Variants in SLC43A2 observed in about 807,000 individuals in gnomAD.
The protein encoded by SLC43A2 is large neutral amino acids transporter small subunit 4.
In SLC43A2, 38 loss-of-function variants were observed where a neutral mutation model predicts 63.2. The ratio of observed to expected loss-of-function variants is 0.60; its 90% CI spans 0.46 to 0.79. SLC43A2 has a LOEUF of 0.79. Ranked by LOEUF, SLC43A2 falls within the 30% of genes least tolerant of loss-of-function variation. SLC43A2 has a pLI of 0.00. For synonymous variants in SLC43A2, 322 were observed against 331.0 expected (o/e 0.97, Z 0.30); for missense variants, 644 against 756.2 (o/e 0.85, Z 1.74).
chr17:1,607,715 A>C (rs1906742244), intron 5 of SLC43A2, among the ~76,000 whole-genome samples: 1 of 152,040 alleles, frequency 6.6e-6, no homozygotes, highest in Admixed American at 6.6e-5. Context: ...AGGGCCAGAC[A>C]ATAGACTTTT....
chr17:1,600,713 A>T (rs1278949076), intron 5 of SLC43A2, among the ~76,000 whole-genome samples: 1 of 151,466 alleles, frequency 6.6e-6, no homozygotes, highest in Non-Finnish European at 1.5e-5. Context: ...ACCTGCTATG[A>T]CATCCAGGTA....
At chr17:1,628,110 G>A in intron 1 of SLC43A2, 190 bp from the exon 2 acceptor site, 2 of 442,050 alleles carry the variant, frequency 4.5e-6, no homozygotes, top group Non-Finnish European at 7.0e-6. Flanking sequence ...CGGCCGGCTC[G>A]TACCGCTGCC....
Position 1,574,224 on chromosome 17 carries a change from G to A in SLC43A2, c.*1380C>T, listed in dbSNP as rs1174337035. ...CAAGCCCAGTTTGTTTGGGGGTTGG[G>A]GAGGAAGGTCTTTTCCTGGCCCACT... On this transcript the variant is annotated 3_prime_UTR_variant, in exon 14 of 14. Transcript: ENST00000301335. 2 of 152,448 alleles carry A rather than the reference G, an allele frequency of 1.3e-5. No homozygotes were observed. Among genetic ancestry groups the A allele is most frequent in the Non-Finnish European group, 2.9e-5 (2 of 68,118 alleles). 9.4% of individuals were successfully genotyped at this position (152,448 alleles called of 1,614,324 possible).
In SLC43A2 at chr17:1,615,661, G is replaced by A. The variant is rs1012103932; in HGVS notation, c.369-627C>T. Among the ~76,000 whole-genome samples, 9 of 149,696 alleles carry A rather than the reference G, an allele frequency of 6.0e-5. No individual in the cohort carries two copies. The South Asian group carries it at 1.1e-3, about 18-fold the overall frequency. ...GATCGAGACCATCCTGGCTAACACAGTGAAACCCCGTCTCTACTAAAAATA... is the reference window on the plus strand; with the variant it reads ...GATCGAGACCATCCTGGCTAACACAATGAAACCCCGTCTCTACTAAAAATA... On this transcript the variant is annotated intron_variant, in intron 3 of 13. Transcript: ENST00000301335.
chr17:1,619,092 G>T (rs1157354167), intron 2 of SLC43A2, among the ~76,000 whole-genome samples: 1 of 151,914 alleles, frequency 6.6e-6, no homozygotes, highest in African/African-American at 2.4e-5. Context: ...ATCACCTAAG[G>T]CCAGGAGTTC....
At chr17:1,595,292 A>AAG (rs200180233) in intron 5 of SLC43A2, among the ~76,000 whole-genome samples, 9,048 of 150,096 alleles carry the variant, frequency 0.06, 968 homozygotes, top group African/African-American at 0.21. Context: ...AAAAAAAAAA[A>AAG]AGAGAGAGAG....
At chr17:1,613,863 C>G (rs974816699) in intron 4 of SLC43A2, among the ~76,000 whole-genome samples, 1 of 152,126 alleles carries the variant, frequency 6.6e-6, no homozygotes, top group Admixed American at 6.6e-5. Context: ...CTTTGGGAGG[C>G]TGAAGCAGGA....
At chr17:1,600,359 C>G (rs1905858100) in intron 5 of SLC43A2, among the ~76,000 whole-genome samples, 1 of 148,426 alleles carries the variant, frequency 6.7e-6, no homozygotes, top group Non-Finnish European at 1.5e-5. Context: ...CCATGTTGGC[C>G]AGGCTGGTCT....
chr17:1,577,422 C>A lies in SLC43A2; in HGVS notation c.1425-702G>T, dbSNP rs545847444. On this transcript the variant is annotated intron_variant, in intron 12 of 13. Coordinates refer to ENST00000301335, the MANE Select transcript of SLC43A2 (RefSeq NM_152346.3). The surrounding 1 kb of genome is among the most constrained non-coding windows in gnomAD (Gnocchi z 4.9). ...AACTCAGCACCACAGATCCCGCCCC[C>A]CTCCCTCAGACCCTGCCAGGACAGC... 4.2e-3 allele frequency among the ~76,000 whole-genome samples: 634 copies of A among 152,240 alleles called. 5 individuals carry two copies. Among genetic ancestry groups the A allele is most frequent in the Non-Finnish European group, 4.6e-3 (313 of 68,020 alleles).
chr17:1,617,631 T>A (rs963931438), intron 2 of SLC43A2, among the ~76,000 whole-genome samples: 1 of 152,202 alleles, frequency 6.6e-6, no homozygotes, highest in South Asian at 2.1e-4. Context: ...CCTCAGGTGA[T>A]CCTCTCACCT....
intron 3 of SLC43A2, among the ~76,000 whole-genome samples, chr17:1,616,150 G>T (rs1049958844): frequency 6.6e-6 from 1 of 151,976 alleles, no homozygotes; most frequent in East Asian, 1.9e-4. Context: ...GAGCTATAAG[G>T]TCAAACGGGC....
chr17:1,575,067 G>A lies in SLC43A2; in HGVS notation c.*537C>T, dbSNP rs1289550483. The A allele has an allele frequency of 6.0e-6, 1 of 167,272 alleles. No homozygotes were observed. The highest frequency in any genetic ancestry group is 2.4e-5 in the African/African-American group (1 of 41,520). 10.4% of individuals were successfully genotyped at this position (167,272 alleles called of 1,614,324 possible). On this transcript the variant is annotated 3_prime_UTR_variant, in exon 14 of 14. Transcript: ENST00000301335. ...GGCAGGCCCTGGACAGGCGACAGGG[G>A]GCTGGAATTACAAAGGAATTAGCAC...
In SLC43A2 at chr17:1,575,445, T is replaced by A; in HGVS notation, c.*159A>T. 2.1e-6 allele frequency: 2 copies of A among 946,888 alleles called. No individual in the cohort carries two copies. The highest frequency in any genetic ancestry group is 3.2e-6 in the Non-Finnish European group (2 of 625,682). 58.7% of individuals were successfully genotyped at this position (946,888 alleles called of 1,614,324 possible). A position where few individuals can be genotyped will look rare whatever the true frequency, so the allele number is the denominator to read the frequency against. On this transcript the variant is annotated 3_prime_UTR_variant, in exon 14 of 14. Transcript: ENST00000301335. ...GCGTGTCCGGGGCCCTCTCCCGTCC[T>A]TCCACCACAGAGCTCCGAGGCAGGG... is the stretch of plus-strand genomic sequence containing the variant.
intron 5 of SLC43A2, chr17:1,604,651 GGGGGATACCACAATGCCCAGTCC>G: frequency 7.2e-7 from 1 of 1,392,676 alleles, no homozygotes; most frequent in South Asian, 1.3e-5. Flanking sequence ...TGAGACTACA[GGGGGATACCACAATGCCCAGTCC>G]CCAACTAGAG....
intron 6 of SLC43A2, 40 bp from the exon 7 acceptor site, chr17:1,591,739 G>A: frequency 2.0e-6 from 1 of 512,304 alleles, no homozygotes; most frequent in Non-Finnish European, 3.9e-6. Context: ...GGGGGAGGGG[G>A]CAGAGTTAGC....
chr17:1,624,041 G>T (rs1598499570), intron 2 of SLC43A2, among the ~76,000 whole-genome samples: 1 of 152,218 alleles, frequency 6.6e-6, no homozygotes, highest in Admixed American at 6.5e-5. Context: ...AATTATACGG[G>T]TTACACAGGT....
chr17:1,594,804 G>A (rs944605442), intron 5 of SLC43A2, among the ~76,000 whole-genome samples: 4 of 151,596 alleles, frequency 2.6e-5, no homozygotes, highest in East Asian at 2.0e-4. Context: ...TAGCCAGGAT[G>A]GTCTGGATCT....
chr17:1,597,447 G>C (rs1362722887), intron 5 of SLC43A2, among the ~76,000 whole-genome samples: 1 of 150,598 alleles, frequency 6.6e-6, no homozygotes, highest in African/African-American at 2.5e-5. Flanking sequence ...GGAGGTTGCA[G>C]TGAGCCAAGA....
In SLC43A2 at chr17:1,593,251, G is replaced by A; in HGVS notation, c.530C>T (p.Ser177Phe). The change falls in exon 6 of 14, where the codon TCC becomes TTC. Residue 177 changes from serine to phenylalanine, a missense_variant. Ser to Phe is a radical substitution (Grantham distance 155, BLOSUM62 -2). This residue lies in a region of SLC43A2 where 528 missense variants were observed against 623.6 expected (regional missense o/e 0.85). Coordinates refer to ENST00000301335, the MANE Select transcript of SLC43A2 (RefSeq NM_152346.3). This position sits in a 1 kb window ranked among gnomAD's most constrained non-coding sequence, Gnocchi z 5.3. ...CCCAATCATCAAGGCAATAAACGTG[G>A]ACCGAAGGTCGCCGAACATGTTGGG... ...TLPNMFGDLRSTFIALMIGSY... is the reference protein window; with the variant it reads ...TLPNMFGDLRFTFIALMIGSY... 1 of 1,614,018 alleles carries A rather than the reference G, an allele frequency of 6.2e-7. No individual in the cohort carries two copies.
Sources: allele counts gnomAD v4.1 joint callset (sites outside exome capture counted in the v4.1 genomes callset), GRCh38; gene constraint gnomAD v4.1.1; regional missense constraint gnomAD v4.1.1; non-coding constraint Gnocchi (gnomAD v3.1); transcripts MANE v1.5; gene names NCBI Gene and HGNC (gene_info 2026-07-23, HGNC 2026-07-21).